Variants in GPHN observed in about 807,000 individuals in gnomAD.
GPHN encodes gephyrin.
In GPHN, 17 loss-of-function variants were observed where a neutral mutation model predicts 95.5. The observed-to-expected ratio is 0.18, with a 90% CI of 0.12 to 0.27. GPHN has a LOEUF of 0.27. Ranked by LOEUF, GPHN falls within the 10% of genes least tolerant of loss-of-function variation. GPHN has a pLI of 1.00. For synonymous variants in GPHN, 320 were observed against 322.5 expected, an observed-to-expected ratio of 0.99 and a Z score of 0.08; for missense variants, 660 against 978.1, an observed-to-expected ratio of 0.67 and a Z score of 4.34.
chr14:66,955,014 AGTAT>A (rs1204939691), intron 8 of GPHN, among the ~76,000 whole-genome samples: 2 of 152,138 alleles, frequency 1.3e-5, no homozygotes, highest in Non-Finnish European at 2.9e-5. Flanking sequence ...GTTGTTTCCT[AGTAT>A]TTTGTTAAGG....
intron 1 of GPHN, among the ~76,000 whole-genome samples, chr14:66,552,304 T>G (rs1195792393): frequency 6.6e-6 from 1 of 152,236 alleles, no homozygotes; most frequent in African/African-American, 2.4e-5. Context: ...TGCTTCCAGC[T>G]TCTAATTTCC....
the GPHN span, among the ~76,000 whole-genome samples, chr14:67,262,318 T>C: frequency 6.6e-6 from 1 of 152,128 alleles, no homozygotes; most frequent in East Asian, 1.9e-4. Context: ...ATGCAATAAT[T>C]AAAAAATAGA....
intron 16 of GPHN, among the ~76,000 whole-genome samples, chr14:67,116,439 A>ATCTCCT (rs1453575457): frequency 1.3e-5 from 2 of 152,122 alleles, no homozygotes; most frequent in African/African-American, 4.8e-5. Flanking sequence ...TGGGTGCACC[A>ATCTCCT]AAATCTCACT....
chr14:67,579,185 C>T, the GPHN span: 1 of 1,609,752 alleles, frequency 6.2e-7, no homozygotes, highest in Non-Finnish European at 8.5e-7. Context: ...TGGAGCGGAC[C>T]CTGCGGACCG....
chr14:67,542,856 A>G, the GPHN span, among the ~76,000 whole-genome samples: 1 of 151,874 alleles, frequency 6.6e-6, no homozygotes, highest in Non-Finnish European at 1.5e-5. Flanking sequence ...ATGCACCACC[A>G]CGCCCGGCTA....
At chr14:67,129,742 G>A (rs1218760753) in intron 17 of GPHN, among the ~76,000 whole-genome samples, 1 of 147,134 alleles carries the variant, frequency 6.8e-6, no homozygotes, top group Admixed American at 6.9e-5. Flanking sequence ...TGATAGGTTG[G>A]CAGCATCATT....
intron 11 of GPHN, among the ~76,000 whole-genome samples, chr14:67,084,202 C>A (rs143617116): frequency 1.3e-5 from 2 of 152,270 alleles, no homozygotes; most frequent in African/African-American, 2.4e-5. Flanking sequence ...TCCTTCCAAC[C>A]AATTCTCTGT....
At chr14:67,389,784 T>G in the GPHN span, among the ~76,000 whole-genome samples, 1 of 152,058 alleles carries the variant, frequency 6.6e-6, no homozygotes, top group Non-Finnish European at 1.5e-5. Flanking sequence ...TCTTTTTTTT[T>G]TTTTTAAGTG....
the GPHN span, chr14:67,726,043 C>G: frequency 6.3e-7 from 1 of 1,596,444 alleles, no homozygotes; most frequent in Non-Finnish European, 8.6e-7. Context: ...TTTGGTTGTG[C>G]CCTATAGAGG....
chr14:67,532,264 G>C, the GPHN span, among the ~76,000 whole-genome samples: 26 of 152,310 alleles, frequency 1.7e-4, no homozygotes, highest in Middle Eastern at 3.4e-3. Context: ...TGGTGCCTGG[G>C]ATGAGTCTTC....
the GPHN span, among the ~76,000 whole-genome samples, chr14:67,515,835 A>AC: frequency 1 from 152,368 of 152,368 alleles, 76,184 homozygotes; most frequent in Non-Finnish European, 1. Flanking sequence ...AGCACTGTGG[A>AC]CCTGCGGTCA....
chr14:67,090,933 A>T (rs1233446384), intron 12 of GPHN, among the ~76,000 whole-genome samples: 2 of 151,952 alleles, frequency 1.3e-5, no homozygotes. Context: ...GAAATTAATT[A>T]GTTGTAGAAA....
intron 10 of GPHN, among the ~76,000 whole-genome samples, chr14:67,034,155 T>A (rs940055114): frequency 4.0e-5 from 6 of 151,876 alleles, no homozygotes; most frequent in East Asian, 1.9e-4. Flanking sequence ...TAAAGGAAAA[T>A]ATATATATAT....
At chr14:66,572,482 CTGTGTG>C (rs60787589) in intron 1 of GPHN, among the ~76,000 whole-genome samples, 46,413 of 148,410 alleles carry the variant, frequency 0.31, 10,794 homozygotes, top group African/African-American at 0.63. Flanking sequence ...ATTTATTCCT[CTGTGTG>C]TGTGTGTGTG....
intron 10 of GPHN, among the ~76,000 whole-genome samples, chr14:67,048,895 T>C (rs1007168497): frequency 2.0e-5 from 3 of 152,346 alleles, no homozygotes; most frequent in Middle Eastern, 3.4e-3. Context: ...ATTTGTAAGG[T>C]AGCTATCAGA....
intron 2 of GPHN, among the ~76,000 whole-genome samples, chr14:66,757,514 C>A (rs1267346375): frequency 6.6e-6 from 1 of 152,120 alleles, no homozygotes; most frequent in Non-Finnish European, 1.5e-5. Flanking sequence ...CTTAGCCTCC[C>A]GAGTAGCTGG....
At chr14:67,642,062 A>G in the GPHN span, 1 of 981,784 alleles carries the variant, frequency 1.0e-6, no homozygotes, top group African/African-American at 1.6e-5. Context: ...TTGACATTTT[A>G]AATTTTACTG....
At chr14:67,440,973 T>C in the GPHN span, among the ~76,000 whole-genome samples, 1 of 152,132 alleles carries the variant, frequency 6.6e-6, no homozygotes, top group Non-Finnish European at 1.5e-5. Flanking sequence ...GCTCGGCTTG[T>C]CTCTAAGCCC....
At chr14:66,632,234 G>A (rs1453667292) in intron 1 of GPHN, among the ~76,000 whole-genome samples, 1 of 152,122 alleles carries the variant, frequency 6.6e-6, no homozygotes, top group East Asian at 1.9e-4. Flanking sequence ...CTGTCTCTTA[G>A]CAAATGATAG....
Sources: gnomAD v4.1 joint callset for allele counts (sites outside exome capture counted in the v4.1 genomes callset) on GRCh38, gnomAD v4.1.1 for gene constraint, MANE v1.5 for transcripts, NCBI Gene and HGNC (gene_info 2026-07-23, HGNC 2026-07-21) for gene names.